CAPN13: variants seen among roughly 807,000 people sequenced by gnomAD.
CAPN13 encodes calpain 13, also known as calpain-13.
Under a neutral mutation model 98.4 loss-of-function variants are expected in CAPN13, and 90 were observed. That is an observed-to-expected ratio of 0.92 (90% CI 0.77 to 1.09). The LOEUF is 1.09. Among genes scored for constraint, CAPN13 ranks in the 50% least tolerant of loss-of-function variants. CAPN13 has a pLI of 0.00. For missense variants in CAPN13, 887 were observed against 841.3 expected, an observed-to-expected ratio of 1.05 and a Z score of -0.67; for synonymous variants, 330 against 305.5, an observed-to-expected ratio of 1.08 and a Z score of -0.84.
chr2:30,788,461 T>C (rs1674440668), intron 1 of CAPN13, among the ~76,000 whole-genome samples: 1 of 152,216 alleles, frequency 6.6e-6, no homozygotes, highest in African/African-American at 2.4e-5. Context: ...GAGGCTGGCC[T>C]GGATGGGAAT....
At chr2:30,794,580 A>C (rs1249658658) in intron 1 of CAPN13, among the ~76,000 whole-genome samples, 1 of 151,976 alleles carries the variant, frequency 6.6e-6, no homozygotes, top group African/African-American at 2.4e-5. Context: ...GCATATGTTC[A>C]TACAAAGACT....
chr2:30,765,946 C>A (rs1248906749), intron 5 of CAPN13, among the ~76,000 whole-genome samples: 1 of 152,238 alleles, frequency 6.6e-6, no homozygotes, highest in Non-Finnish European at 1.5e-5. Flanking sequence ...CTCTCTGGAG[C>A]ATTTGCTCAG....
At chr2:30,751,400 C>T (rs1672170628) in intron 10 of CAPN13, 149 bp from the exon 11 acceptor site, 1 of 795,124 alleles carries the variant, frequency 1.3e-6, no homozygotes, top group South Asian at 2.2e-5. Flanking sequence ...ACAGTTACTA[C>T]TTGAGAAACA....
chr2:30,725,920 C>T (rs1670840978), intron 22 of CAPN13, among the ~76,000 whole-genome samples: 1 of 152,100 alleles, frequency 6.6e-6, no homozygotes, highest in African/African-American at 2.4e-5. Context: ...ATAATATTAA[C>T]TACCTGCCTT....
chr2:30,787,380 C>T (rs2148074553), intron 1 of CAPN13, 23 bp from the exon 2 acceptor site: 1 of 1,524,206 alleles, frequency 6.6e-7, no homozygotes, highest in East Asian at 2.3e-5. Flanking sequence ...AAAAGGGATA[C>T]CTTTGGGGTA....
Position 30,807,014 on chromosome 2 carries a change from C to T in CAPN13, c.-33+288G>A, listed in dbSNP as rs1050657726. Among the ~76,000 whole-genome samples the T allele has an allele frequency of 3.8e-4, 58 of 152,100 alleles. 1 individual carries two copies. The highest frequency in any genetic ancestry group is 1.4e-3 in the African/African-American group (57 of 41,420). ...GTCACAACTTAGAATGATCAGAAAT[C>T]GAAGGTGACAGAATGATTAAGAAAT... On this transcript the variant is annotated intron_variant, in intron 1 of 22. Coordinates refer to ENST00000295055, the MANE Select transcript of CAPN13 (RefSeq NM_144575.3).
intron 5 of CAPN13, among the ~76,000 whole-genome samples, chr2:30,767,270 T>C (rs1250977540): frequency 2.0e-5 from 3 of 152,198 alleles, no homozygotes; most frequent in Non-Finnish European, 4.4e-5. Flanking sequence ...CACCCCTGCA[T>C]TTCAGAGCTT....
chr2:30,774,539 T>G (rs1032288846), intron 4 of CAPN13, among the ~76,000 whole-genome samples: 1 of 152,188 alleles, frequency 6.6e-6, no homozygotes, highest in Non-Finnish European at 1.5e-5. Context: ...AGCAACTCAG[T>G]GGCAATATAT....
At position 30,743,504 on chromosome 2, in the gene CAPN13, G is replaced by A. The variant is rs775062145; in HGVS notation, c.1324C>T (p.Arg442Cys). The A allele has an allele frequency of 2.9e-5, 46 of 1,613,928 alleles. No individual in the cohort carries two copies. In the Admixed American group the frequency reaches 3.3e-4, roughly 12 times the overall value. The change falls in exon 13 of 23, where the codon CGC (arginine) becomes TGC (cysteine). Residue 442 changes from arginine (R) to cysteine (C), a missense_variant. Arg to Cys is a radical substitution (Grantham distance 180). Coordinates refer to ENST00000295055, the MANE Select transcript of CAPN13 (RefSeq NM_144575.3). ...NTVQSSNNKF[R>C]RNFTMTYHLS... ...TGGTAAGTCATGGTGAAGTTGCGGCGGAATTTATTATTTGAGCTTTGGACA... is the reference window on the plus strand; with the variant it reads ...TGGTAAGTCATGGTGAAGTTGCGGCAGAATTTATTATTTGAGCTTTGGACA...
At chr2:30,788,782 G>T (rs1674459129) in intron 1 of CAPN13, among the ~76,000 whole-genome samples, 2 of 152,208 alleles carry the variant, frequency 1.3e-5, no homozygotes, top group South Asian at 4.1e-4. Flanking sequence ...CATGTGGCAA[G>T]TTATTTAGAT....
intron 1 of CAPN13, among the ~76,000 whole-genome samples, chr2:30,791,004 T>A (rs1674581534): frequency 6.6e-6 from 1 of 152,054 alleles, no homozygotes; most frequent in Admixed American, 6.5e-5. Context: ...GGTACAATCA[T>A]GTTGGGGGTT....
At chr2:30,781,385 A>G (rs1159045502) in intron 2 of CAPN13, among the ~76,000 whole-genome samples, 1 of 152,114 alleles carries the variant, frequency 6.6e-6, no homozygotes, top group African/African-American at 2.4e-5. Flanking sequence ...AATTTTATAT[A>G]CCATCCTAAC....
Position 30,732,362 on chromosome 2 carries a change from G to A in CAPN13, c.1927+76C>T, listed in dbSNP as rs530284099. 15 of 1,581,864 alleles carry A rather than the reference G, an allele frequency of 9.5e-6. No homozygotes were observed. In the South Asian group the frequency reaches 1.5e-4, roughly 15 times the overall value. Reference sequence around the variant, plus strand: ...AGGCCTCACGCAGACCTGGGGTGGGGTAGGGGGTGTCCGGTCCTCTCCTGT... The same window carrying A: ...AGGCCTCACGCAGACCTGGGGTGGGATAGGGGGTGTCCGGTCCTCTCCTGT... On this transcript the variant is annotated intron_variant, in intron 20 of 22. Coordinates refer to ENST00000295055, the MANE Select transcript of CAPN13 (RefSeq NM_144575.3).
At chr2:30,763,238 T>C in intron 6 of CAPN13, 82 bp from the exon 7 acceptor site, 1 of 1,252,262 alleles carries the variant, frequency 8.0e-7, no homozygotes. Context: ...AAACAGCCAC[T>C]GAGCCATCTG....
intron 19 of CAPN13, among the ~76,000 whole-genome samples, chr2:30,733,569 C>G (rs918430104): frequency 6.6e-6 from 1 of 152,050 alleles, no homozygotes; most frequent in African/African-American, 2.4e-5. Context: ...AATGCAAATT[C>G]CTGAGCCCCA....
chr2:30,733,131 C>T (rs533735855), intron 19 of CAPN13, among the ~76,000 whole-genome samples: 2 of 152,096 alleles, frequency 1.3e-5, no homozygotes, highest in African/African-American at 2.4e-5. Flanking sequence ...AGGGAGGCAC[C>T]GACCTCACAG....
intron 1 of CAPN13, among the ~76,000 whole-genome samples, chr2:30,789,252 G>A (rs931393173): frequency 6.6e-6 from 1 of 152,238 alleles, no homozygotes; most frequent in African/African-American, 2.4e-5. Flanking sequence ...ATGAAGAGTT[G>A]TGAAAATCAT....
chr2:30,791,664 C>T (rs1449172845), intron 1 of CAPN13, among the ~76,000 whole-genome samples: 1 of 152,200 alleles, frequency 6.6e-6, no homozygotes, highest in Non-Finnish European at 1.5e-5. Context: ...GGAAAAGATG[C>T]ATAAGAGTTA....
intron 1 of CAPN13, among the ~76,000 whole-genome samples, chr2:30,790,595 C>T (rs1674553506): frequency 6.6e-6 from 1 of 152,190 alleles, no homozygotes; most frequent in Non-Finnish European, 1.5e-5. Context: ...AAACGAGCTT[C>T]CCTGTGTCCT....
Sources: allele counts gnomAD v4.1 joint callset (sites outside exome capture counted in the v4.1 genomes callset), GRCh38; gene constraint gnomAD v4.1.1; transcripts MANE v1.5; gene names NCBI Gene and HGNC (gene_info 2026-07-23, HGNC 2026-07-21).